TAF4B: variants seen among roughly 807,000 people sequenced by gnomAD.
The protein encoded by TAF4B is transcription initiation factor TFIID subunit 4B.
In TAF4B, 38 loss-of-function variants were observed where a neutral mutation model predicts 86.4. The ratio of observed to expected loss-of-function variants is 0.44; its 90% CI spans 0.34 to 0.58. TAF4B has a LOEUF of 0.58. Among genes scored for constraint, TAF4B ranks in the 20% least tolerant of loss-of-function variants. The pLI is 0.02. For missense variants in TAF4B, 988 were observed against 1,027.6 expected, an observed-to-expected ratio of 0.96 and a Z score of 0.53; for synonymous variants, 388 against 391.2, an observed-to-expected ratio of 0.99 and a Z score of 0.10.
chr18:26,250,263 C>A (rs866166812), intron 1 of TAF4B, among the ~76,000 whole-genome samples: 2 of 151,994 alleles, frequency 1.3e-5, no homozygotes, highest in Non-Finnish European at 2.9e-5. Context: ...TTTGGGAGGC[C>A]GAGGCAGGCG....
intron 5 of TAF4B, among the ~76,000 whole-genome samples, chr18:26,278,948 G>A (rs1266668980): frequency 1.3e-5 from 2 of 151,590 alleles, no homozygotes; most frequent in Admixed American, 6.6e-5. Context: ...GCAGAAGCTC[G>A]AACCATTTCC....
intron 12 of TAF4B, among the ~76,000 whole-genome samples, chr18:26,331,843 A>G (rs904326683): frequency 5.9e-5 from 9 of 152,248 alleles, no homozygotes; most frequent in Admixed American, 1.3e-4. Context: ...TACTGTGGTC[A>G]GAATAATGTT....
At chr18:26,388,529 A>G (rs371484450) in intron 14 of TAF4B, among the ~76,000 whole-genome samples, 2 of 152,344 alleles carry the variant, frequency 1.3e-5, no homozygotes, top group South Asian at 4.1e-4. Flanking sequence ...ACAAATTACT[A>G]TAGTACAACG....
At chr18:26,375,743 G>GGTTACTTGTATTTA (rs1375061118) in intron 14 of TAF4B, among the ~76,000 whole-genome samples, 6 of 151,752 alleles carry the variant, frequency 4.0e-5, no homozygotes, top group Admixed American at 3.9e-4. Flanking sequence ...TTTTTTCTTT[G>GGTTACTTGTATTTA]GTTACTTGTA....
Position 26,293,409 on chromosome 18 carries a change from T to A in TAF4B, c.1727-17T>A. The A allele has an allele frequency of 6.4e-7, 1 of 1,554,502 alleles. No homozygotes were observed. Among genetic ancestry groups the A allele is most frequent in the Non-Finnish European group, 8.7e-7 (1 of 1,143,646 alleles). On this transcript the variant is annotated splice_polypyrimidine_tract_variant and intron_variant, in intron 8 of 14. Transcript: ENST00000269142. ...TGCTTTTTTTGTATTCTATTTTTTC[T>A]TGTTTTGTTTTTATAGCTTCCATTC...
At chr18:26,263,701 C>G (rs768662360) in intron 1 of TAF4B, among the ~76,000 whole-genome samples, 1 of 149,076 alleles carries the variant, frequency 6.7e-6, no homozygotes, top group Non-Finnish European at 1.5e-5. Flanking sequence ...TTCTTTCGCT[C>G]TTTCTCTCTT....
intron 13 of TAF4B, among the ~76,000 whole-genome samples, chr18:26,353,654 G>A (rs1261948130): frequency 4.6e-5 from 7 of 152,202 alleles, no homozygotes; most frequent in Non-Finnish European, 1.0e-4. Flanking sequence ...GTTTTTAATG[G>A]TGACTGAATG....
At chr18:26,337,424 CTTTTTTTT>C (rs551888808) in intron 13 of TAF4B, among the ~76,000 whole-genome samples, 4 of 126,144 alleles carry the variant, frequency 3.2e-5, no homozygotes, top group African/African-American at 1.2e-4. Flanking sequence ...TTCTTTCTTT[CTTTTTTTT>C]TTTTTTTTTG....
intron 14 of TAF4B, among the ~76,000 whole-genome samples, chr18:26,365,002 C>CTTTTTTTT (rs1236686001): frequency 3.7e-5 from 4 of 109,238 alleles, no homozygotes; most frequent in African/African-American, 7.2e-5. Context: ...TAATTCTATT[C>CTTTTTTTT]TTTTTTTTTT....
chr18:26,262,938 A>G (rs914347188), intron 1 of TAF4B, among the ~76,000 whole-genome samples: 31 of 152,252 alleles, frequency 2.0e-4, no homozygotes, highest in African/African-American at 7.2e-4. Context: ...TTGACACAAA[A>G]GACTTTTTTT....
intron 1 of TAF4B, among the ~76,000 whole-genome samples, chr18:26,254,168 T>C (rs983403753): frequency 2.6e-5 from 4 of 151,970 alleles, no homozygotes; most frequent in Non-Finnish European, 4.4e-5. Context: ...CCTCAAATGA[T>C]CTACCTACGT....
At chr18:26,365,310 A>C (rs2057364805) in intron 14 of TAF4B, among the ~76,000 whole-genome samples, 1 of 152,112 alleles carries the variant, frequency 6.6e-6, no homozygotes, top group Non-Finnish European at 1.5e-5. Context: ...CCTGGCCTAT[A>C]ATTCTGTTCT....
At chr18:26,267,464 A>G in intron 2 of TAF4B, 52 bp from the exon 3 acceptor site, 1 of 1,254,174 alleles carries the variant, frequency 8.0e-7, no homozygotes, top group Non-Finnish European at 1.2e-6. Flanking sequence ...TACTGATCTT[A>G]AATTACTAAC....
intron 1 of TAF4B, among the ~76,000 whole-genome samples, chr18:26,232,919 A>G (rs975587814): frequency 2.0e-5 from 3 of 152,146 alleles, no homozygotes; most frequent in Non-Finnish European, 4.4e-5. Context: ...TCCTAACCCT[A>G]TAAGTAGTGG....
intron 14 of TAF4B, among the ~76,000 whole-genome samples, chr18:26,374,886 T>TTTA (rs2057432310): frequency 6.6e-6 from 1 of 152,214 alleles, no homozygotes; most frequent in South Asian, 2.1e-4. Context: ...TTTGAACTTG[T>TTTA]TTTGGCTTAT....
chr18:26,291,746 C>T (rs1170485546), intron 7 of TAF4B, among the ~76,000 whole-genome samples: 1 of 149,608 alleles, frequency 6.7e-6, no homozygotes, highest in Non-Finnish European at 1.5e-5. Flanking sequence ...TAAAATGGCA[C>T]ATGAAAAGTC....
At chr18:26,342,100 GTT>G (rs2057141272) in intron 13 of TAF4B, among the ~76,000 whole-genome samples, 1 of 151,992 alleles carries the variant, frequency 6.6e-6, no homozygotes, top group Admixed American at 6.6e-5. Flanking sequence ...TGGTGTTAGG[GTT>G]TTGTTTTTAC....
At position 26,303,815 on chromosome 18, in the gene TAF4B, G is replaced by A. The variant is rs147073219; in HGVS notation, c.1832+10284G>A. ...GAATTGGCGTGGCCTGAGTCCATAGGCCCACTGTCTTCCAGCTGATTTATT... is the reference window on the plus strand; with the variant it reads ...GAATTGGCGTGGCCTGAGTCCATAGACCCACTGTCTTCCAGCTGATTTATT... On this transcript the variant is annotated intron_variant, in intron 9 of 14. Coordinates refer to ENST00000269142, the MANE Select transcript of TAF4B (RefSeq NM_005640.3). 8.5e-5 allele frequency among the ~76,000 whole-genome samples: 13 copies of A among 152,152 alleles called. No individual in the cohort carries two copies. In the East Asian group the frequency reaches 1.9e-3, roughly 23 times the overall value.
At chr18:26,269,969 TATC>T (rs2056292280) in intron 3 of TAF4B, among the ~76,000 whole-genome samples, 1 of 152,238 alleles carries the variant, frequency 6.6e-6, no homozygotes, top group Non-Finnish European at 1.5e-5. Flanking sequence ...TGATAGCTAC[TATC>T]ATATTGTTTT....
Sources: allele counts gnomAD v4.1 joint callset (sites outside exome capture counted in the v4.1 genomes callset), GRCh38; gene constraint gnomAD v4.1.1; transcripts MANE v1.5; gene names NCBI Gene and HGNC (gene_info 2026-07-23, HGNC 2026-07-21).